ROBO2: variants seen among roughly 807,000 people sequenced by gnomAD.
The protein encoded by ROBO2 is roundabout homolog 2.
A neutral mutation model predicts 160.8 loss-of-function variants in ROBO2; 53 were observed. The observed-to-expected ratio is 0.33, with a 90% confidence interval of 0.26 to 0.41. ROBO2 has a LOEUF of 0.41. ROBO2 is among the 10% of genes least tolerant of loss of function. The pLI, the probability that ROBO2 is intolerant of heterozygous loss-of-function variation, is 1.00. For synonymous variants in ROBO2, 664 were observed against 611.7 expected, an observed-to-expected ratio of 1.09 and a Z score of -1.26; for missense variants, 1,577 against 1,722.4, an observed-to-expected ratio of 0.92 and a Z score of 1.49.
chr3:76,141,177 A>ATATATATATATATG (rs1352311949), intron 2 of ROBO2, among the ~76,000 whole-genome samples: 3 of 103,220 alleles, frequency 2.9e-5, no homozygotes, highest in African/African-American at 1.1e-4. Context: ...ATATATATAT[A>ATATATATATATATG]TATATATATA....
At chr3:76,497,261 TC>T (rs2080202326) in intron 2 of ROBO2, among the ~76,000 whole-genome samples, 2 of 152,198 alleles carry the variant, frequency 1.3e-5, no homozygotes, top group Non-Finnish European at 2.9e-5. Flanking sequence ...AGTGGTGTGA[TC>T]TTGGCTCACC....
intron 1 of ROBO2, among the ~76,000 whole-genome samples, chr3:77,088,574 G>A (rs894726998): frequency 3.3e-4 from 50 of 152,034 alleles, no homozygotes; most frequent in Non-Finnish European, 6.8e-4. Context: ...AGAGACCCCA[G>A]TGTGTGGACA....
intron 2 of ROBO2, among the ~76,000 whole-genome samples, chr3:77,326,740 A>C (rs2065441154): frequency 6.6e-6 from 1 of 152,198 alleles, no homozygotes; most frequent in Non-Finnish European, 1.5e-5. Flanking sequence ...TGAAGGAGAT[A>C]ATCCCTCTGA....
chr3:76,145,463 C>G (rs1050633189), intron 2 of ROBO2, among the ~76,000 whole-genome samples: 1 of 151,902 alleles, frequency 6.6e-6, no homozygotes, highest in Non-Finnish European at 1.5e-5. Context: ...ATCATGACTT[C>G]AATAAATTAA....
At position 76,953,484 on chromosome 3, in the gene ROBO2, C is replaced by G. The variant is rs144882851; in HGVS notation, c.110-144530C>G. ...CAAACTTAATTTTATCCTGAATGAT[C>G]AGACCTACAAATCTGCAAATCTATT... On this transcript the variant is annotated intron_variant, in intron 2 of 26. Transcript: ENST00000487694. 7.8e-4 allele frequency among the ~76,000 whole-genome samples: 118 copies of G among 152,238 alleles called. No individual in the cohort carries two copies. In the Middle Eastern group the frequency reaches 0.01, roughly 13 times the overall value.
intron 2 of ROBO2, among the ~76,000 whole-genome samples, chr3:77,460,233 T>C (rs1258387670): frequency 6.6e-6 from 1 of 152,024 alleles, no homozygotes; most frequent in East Asian, 1.9e-4. Context: ...GTGACAGAAA[T>C]GGAGGAGTAA....
At chr3:75,972,036 C>A (rs1025055982) in intron 2 of ROBO2, among the ~76,000 whole-genome samples, 1 of 151,368 alleles carries the variant, frequency 6.6e-6, no homozygotes, top group African/African-American at 2.4e-5. Flanking sequence ...GATTTCAGAC[C>A]CAATTTTAGA....
At chr3:76,629,544 A>G (rs1484564111) in intron 2 of ROBO2, among the ~76,000 whole-genome samples, 3 of 152,106 alleles carry the variant, frequency 2.0e-5, no homozygotes, top group Non-Finnish European at 2.9e-5. Context: ...TAGTCTTTCC[A>G]TGTTCTTCTG....
chr3:76,624,796 CAAAAAAAAAAAAAAAAAAAAAAAA>C lies in ROBO2; in HGVS notation c.110-473203_110-473180del, dbSNP rs57920315. Among the ~76,000 whole-genome samples the C allele has an allele frequency of 1.1e-4, 5 of 46,322 alleles. No individual in the cohort carries two copies. The South Asian group carries it at 6.6e-3, about 61-fold the overall frequency. The allele number at this position is 46,322 out of a possible 152,430, so 30.4% of individuals were successfully genotyped here. On this transcript the variant is annotated intron_variant, in intron 2 of 26. Transcript: ENST00000487694. ...TGAGTGACAGAGTGAGACTCCGTCTCAAAAAAAAAAAAAAAAAAAAAAAAAAAAAAAAAAAAAAGAATATCCTTA... is the reference window on the plus strand; with the variant it reads ...TGAGTGACAGAGTGAGACTCCGTCTCAAAAAAAAAAAAAAGAATATCCTTA...
intron 2 of ROBO2, among the ~76,000 whole-genome samples, chr3:77,381,461 A>G (rs552723478): frequency 6.6e-6 from 1 of 152,296 alleles, no homozygotes. Context: ...TTAGATCTTC[A>G]GAGGCACAAT....
At chr3:76,665,314 A>T (rs2091977022) in intron 2 of ROBO2, among the ~76,000 whole-genome samples, 1 of 152,206 alleles carries the variant, frequency 6.6e-6, no homozygotes, top group Non-Finnish European at 1.5e-5. Context: ...AGATATTATC[A>T]TTCCATTTGA....
intron 2 of ROBO2, among the ~76,000 whole-genome samples, chr3:76,058,131 T>G (rs2067919660): frequency 6.6e-6 from 1 of 152,142 alleles, no homozygotes; most frequent in Non-Finnish European, 1.5e-5. Context: ...TACTTTCAGT[T>G]CTGGGACACA....
intron 2 of ROBO2, among the ~76,000 whole-genome samples, chr3:77,139,265 C>T (rs1266515415): frequency 6.6e-6 from 1 of 152,066 alleles, no homozygotes; most frequent in Non-Finnish European, 1.5e-5. Flanking sequence ...AAGTAATTTT[C>T]TGATGTTGAA....
At chr3:76,020,374 T>C (rs1004952167) in intron 2 of ROBO2, among the ~76,000 whole-genome samples, 4 of 151,920 alleles carry the variant, frequency 2.6e-5, no homozygotes, top group Admixed American at 6.6e-5. Flanking sequence ...ATGACCGTTA[T>C]ATTTGGATTC....
At chr3:76,497,312 C>A (rs1335423460) in intron 2 of ROBO2, among the ~76,000 whole-genome samples, 2 of 152,174 alleles carry the variant, frequency 1.3e-5, no homozygotes, top group African/African-American at 4.8e-5. Context: ...CCTCCCACAT[C>A]AGCCTCCCAA....
chr3:77,259,131 C>T (rs910039180), intron 2 of ROBO2, among the ~76,000 whole-genome samples: 13 of 152,194 alleles, frequency 8.5e-5, no homozygotes, highest in African/African-American at 2.4e-4. Flanking sequence ...AACGACTCTG[C>T]GCTCTGTTCT....
At chr3:76,276,287 T>C (rs766749884) in intron 2 of ROBO2, among the ~76,000 whole-genome samples, 3 of 152,096 alleles carry the variant, frequency 2.0e-5, no homozygotes, top group African/African-American at 7.2e-5. Context: ...TCTGTTCTAA[T>C]ATCTATCAAT....
At chr3:76,861,188 G>A (rs1406139880) in intron 2 of ROBO2, among the ~76,000 whole-genome samples, 1 of 152,176 alleles carries the variant, frequency 6.6e-6, no homozygotes, top group Admixed American at 6.5e-5. Context: ...TCTTGAGGAA[G>A]TTGAGTATAA....
intron 2 of ROBO2, among the ~76,000 whole-genome samples, chr3:77,288,497 A>G (rs748423823): frequency 2.6e-5 from 4 of 152,176 alleles, no homozygotes; most frequent in Non-Finnish European, 5.9e-5. Flanking sequence ...CTGCAAAGCA[A>G]TTAGCCTTCA....
Sources: allele counts gnomAD v4.1 joint callset (sites outside exome capture counted in the v4.1 genomes callset), GRCh38; gene constraint gnomAD v4.1.1; transcripts MANE v1.5; gene names NCBI Gene and HGNC (gene_info 2026-07-23, HGNC 2026-07-21).